The following SUPT3H variants were observed in gnomAD, a reference collection of about 807,000 sequenced individuals.
SUPT3H encodes SPT3 homolog, SAGA and STAGA complex component.
SUPT3H carries 44 observed loss-of-function variants against 44.3 expected under a neutral mutation model. That is an observed-to-expected ratio of 0.99 (90% CI 0.78 to 1.28). SUPT3H has a LOEUF of 1.28. SUPT3H is among the 50% of genes most tolerant of loss of function. The pLI is 0.00. For synonymous variants in SUPT3H, 124 were observed against 125.6 expected (o/e 0.99, Z 0.09); for missense variants, 380 against 387.1 (o/e 0.98, Z 0.15).
chr6:44,907,716 T>C (rs1056709363), intron 10 of SUPT3H, among the ~76,000 whole-genome samples: 1 of 152,170 alleles, frequency 6.6e-6, no homozygotes, highest in African/African-American at 2.4e-5. Flanking sequence ...CTCTAATTTG[T>C]ATGCGGTTGT....
intron 2 of SUPT3H, among the ~76,000 whole-genome samples, chr6:45,319,830 G>T (rs1785212476): frequency 6.6e-6 from 1 of 152,116 alleles, no homozygotes; most frequent in Admixed American, 6.6e-5. Flanking sequence ...TAAGATTTCT[G>T]CTAAAATATT....
chr6:44,988,519 T>A (rs988397705), intron 6 of SUPT3H, among the ~76,000 whole-genome samples: 468 of 100,076 alleles, frequency 4.7e-3, no homozygotes, highest in Non-Finnish European at 5.2e-3. Context: ...AAGGCTTAAA[T>A]AAAAAAAAAA....
At chr6:45,026,409 A>G (rs1242666558) in intron 3 of SUPT3H, among the ~76,000 whole-genome samples, 1 of 124,770 alleles carries the variant, frequency 8.0e-6, no homozygotes, top group African/African-American at 3.1e-5. Context: ...TGAAATGGGT[A>G]ATCAATGACT....
chr6:45,305,411 T>G (rs951088399), intron 2 of SUPT3H, among the ~76,000 whole-genome samples: 5 of 152,232 alleles, frequency 3.3e-5, no homozygotes, highest in African/African-American at 1.2e-4. Flanking sequence ...ACAAAAGTCT[T>G]TTCACAAATA....
At chr6:45,376,614 C>T (rs1354260645) in intron 1 of SUPT3H, among the ~76,000 whole-genome samples, 1 of 152,170 alleles carries the variant, frequency 6.6e-6, no homozygotes, top group Non-Finnish European at 1.5e-5. Flanking sequence ...TACTTCGCTC[C>T]AACGTCCCGA....
At chr6:45,234,542 A>AG (rs1768726147) in intron 2 of SUPT3H, among the ~76,000 whole-genome samples, 1 of 132,416 alleles carries the variant, frequency 7.6e-6, no homozygotes, top group East Asian at 2.5e-4. Flanking sequence ...AAAAAAAAAA[A>AG]AAAAAGAAAA....
At chr6:44,895,773 G>A (rs564616920) in intron 10 of SUPT3H, among the ~76,000 whole-genome samples, 2 of 152,122 alleles carry the variant, frequency 1.3e-5, no homozygotes, top group South Asian at 2.1e-4. Context: ...ACAAAGAGCC[G>A]ATTTCAAAAG....
intron 2 of SUPT3H, among the ~76,000 whole-genome samples, chr6:45,283,829 G>C (rs1335963083): frequency 6.6e-6 from 1 of 152,030 alleles, no homozygotes; most frequent in African/African-American, 2.4e-5. Context: ...TGACCACATA[G>C]TTGGAAGTAA....
In SUPT3H at chr6:44,912,965, A is replaced by G. The variant is rs576266780; in HGVS notation, c.912+19688T>C. 5.3e-5 allele frequency among the ~76,000 whole-genome samples: 8 copies of G among 152,288 alleles called. No homozygotes were observed. In the East Asian group the frequency reaches 1.5e-3, roughly 29 times the overall value. Reference sequence around the variant, plus strand: ...ATTATTGTCGATTCATTGATTGGAAAATGCCTTCTTCCCAAGAAAATGTGT... The same window carrying G: ...ATTATTGTCGATTCATTGATTGGAAGATGCCTTCTTCCCAAGAAAATGTGT... On this transcript the variant is annotated intron_variant, in intron 10 of 10. Coordinates refer to ENST00000371459, the MANE Select transcript of SUPT3H (RefSeq NM_003599.4).
chr6:45,180,060 T>C (rs1812837185), intron 2 of SUPT3H, among the ~76,000 whole-genome samples: 1 of 150,128 alleles, frequency 6.7e-6, no homozygotes, highest in Admixed American at 6.6e-5. Context: ...ACAAGCATTC[T>C]TATACACCAA....
At chr6:45,334,449 CAAAAAAA>C (rs551014969) in intron 2 of SUPT3H, among the ~76,000 whole-genome samples, 3 of 91,756 alleles carry the variant, frequency 3.3e-5, no homozygotes, top group African/African-American at 1.3e-4. Context: ...TCAGGAAAAG[CAAAAAAA>C]AAAAAAAAAA....
At chr6:45,158,275 C>CATATATATATATATACATATAT (rs1808235565) in intron 2 of SUPT3H, among the ~76,000 whole-genome samples, 1 of 62,178 alleles carries the variant, frequency 1.6e-5, no homozygotes, top group African/African-American at 1.3e-4. Context: ...TATAAATATA[C>CATATATATATATATACATATAT]ATATATATAT....
intron 2 of SUPT3H, among the ~76,000 whole-genome samples, chr6:45,176,504 G>A (rs1193607300): frequency 1.3e-5 from 2 of 152,182 alleles, no homozygotes; most frequent in South Asian, 2.1e-4. Flanking sequence ...GGGGAGGGGC[G>A]CCTGCCATTG....
intron 10 of SUPT3H, among the ~76,000 whole-genome samples, chr6:44,917,680 G>A (rs1399175558): frequency 1.3e-5 from 2 of 152,154 alleles, no homozygotes; most frequent in Non-Finnish European, 2.9e-5. Context: ...AATACCTCCA[G>A]GCTAGGTGGG....
At chr6:45,214,298 A>T (rs943418928) in intron 2 of SUPT3H, among the ~76,000 whole-genome samples, 1 of 152,132 alleles carries the variant, frequency 6.6e-6, no homozygotes, top group Non-Finnish European at 1.5e-5. Flanking sequence ...AAGAAAAAGC[A>T]AAAATTGCCA....
rs777154020 is a variant in SUPT3H, at chr6:45,171,713, CTTTTTTT to C, written c.102-65714_102-65708del. 1.6e-4 allele frequency among the ~76,000 whole-genome samples: 15 copies of C among 93,482 alleles called. No individual in the cohort carries two copies. In the East Asian group the frequency reaches 3.4e-3, roughly 21 times the overall value. The allele number at this position is 93,482 out of a possible 152,430, so 61.3% of individuals were successfully genotyped here. Reference sequence around the variant, plus strand: ...AAGGCATTAACAAAAATTCCACTTGCTTTTTTTTTTTTTTTTTTTTTTTTGACAGACT... The same window carrying C: ...AAGGCATTAACAAAAATTCCACTTGCTTTTTTTTTTTTTTTTTGACAGACT... On this transcript the variant is annotated intron_variant, in intron 2 of 10. Coordinates refer to ENST00000371459, the MANE Select transcript of SUPT3H (RefSeq NM_003599.4).
intron 2 of SUPT3H, among the ~76,000 whole-genome samples, chr6:45,249,021 C>T (rs554155526): frequency 3.8e-4 from 58 of 152,102 alleles, no homozygotes; most frequent in Non-Finnish European, 6.9e-4. Context: ...TATATACGTA[C>T]CATGCAATCT....
chr6:44,956,710 G>A (rs779596509), intron 7 of SUPT3H, among the ~76,000 whole-genome samples: 13 of 152,180 alleles, frequency 8.5e-5, no homozygotes, highest in South Asian at 8.3e-4. Flanking sequence ...CTGGCCTTGA[G>A]TCTTTTCCTC....
chr6:44,961,311 T>A (rs983932556), intron 7 of SUPT3H, among the ~76,000 whole-genome samples: 3 of 152,206 alleles, frequency 2.0e-5, no homozygotes, highest in Non-Finnish European at 4.4e-5. Context: ...ACCAGTGATA[T>A]GTTCCTTTGT....
Sources: gnomAD v4.1 joint callset for allele counts (sites outside exome capture counted in the v4.1 genomes callset) on GRCh38, gnomAD v4.1.1 for gene constraint, MANE v1.5 for transcripts, NCBI Gene and HGNC (gene_info 2026-07-23, HGNC 2026-07-21) for gene names.